Variants in CRTC3 observed in about 807,000 individuals in gnomAD.
The protein encoded by CRTC3 is CREB-regulated transcription coactivator 3.
A neutral mutation model predicts 74.5 loss-of-function variants in CRTC3; 26 were observed. The observed-to-expected ratio is 0.35, with a 90% confidence interval of 0.26 to 0.48. The LOEUF is 0.48. Among genes scored for constraint, CRTC3 ranks in the 20% least tolerant of loss-of-function variants. CRTC3 has a pLI of 0.99. For synonymous variants in CRTC3, 377 were observed against 325.8 expected, an observed-to-expected ratio of 1.16 and a Z score of -1.69; for missense variants, 760 against 787.3, an observed-to-expected ratio of 0.97 and a Z score of 0.41.
chr15:90,559,552 T>C (rs1460214577), intron 2 of CRTC3, among the ~76,000 whole-genome samples: 1 of 152,236 alleles, frequency 6.6e-6, no homozygotes. Flanking sequence ...GATGAGATCA[T>C]GGGTGCATTA....
intron 3 of CRTC3, among the ~76,000 whole-genome samples, chr15:90,602,042 G>A (rs910563981): frequency 6.6e-6 from 1 of 152,196 alleles, no homozygotes; most frequent in Non-Finnish European, 1.5e-5. Context: ...AGTGTTACCA[G>A]GTTTGGAGCA....
chr15:90,545,583 T>G (rs1354571933), intron 2 of CRTC3, among the ~76,000 whole-genome samples: 1 of 151,080 alleles, frequency 6.6e-6, no homozygotes, highest in Non-Finnish European at 1.5e-5. Flanking sequence ...TTTGTTTTTT[T>G]TTTTTACTTT....
chr15:90,539,446 C>A (rs550463455), intron 1 of CRTC3, among the ~76,000 whole-genome samples: 1 of 151,954 alleles, frequency 6.6e-6, no homozygotes, highest in Admixed American at 6.6e-5. Context: ...GAAAGCATTT[C>A]GGCAGTATAC....
intron 2 of CRTC3, among the ~76,000 whole-genome samples, chr15:90,540,599 C>G (rs1035755746): frequency 6.6e-6 from 1 of 151,830 alleles, no homozygotes; most frequent in Non-Finnish European, 1.5e-5. Context: ...ATGGTGAAAC[C>G]CCATCTCTAC....
chr15:90,593,665 G>C lies in CRTC3; in HGVS notation c.261G>C (p.Arg87=). The part of the protein sequence containing the change: ...QPSFHQADNV[R]GTRHHGLVER... ...CATTTCACCAAGCTGATAATGTTCG[G>C]GGAACCCGCCATCACGGGCTGGTGG... Residue 87 remains arginine, a synonymous_variant, in exon 3 of 15, where the codon CGG becomes CGC. Transcript: ENST00000268184. The C allele has an allele frequency of 6.2e-7, 1 of 1,610,296 alleles. No individual in the cohort carries two copies. Among genetic ancestry groups the C allele is most frequent in the Middle Eastern group, 1.7e-4 (1 of 6,052 alleles).
chr15:90,538,975 A>G (rs1240841502), intron 1 of CRTC3, among the ~76,000 whole-genome samples: 1 of 152,118 alleles, frequency 6.6e-6, no homozygotes, highest in Non-Finnish European at 1.5e-5. Context: ...TCTCATTTGC[A>G]TGGTTGTGGG....
At chr15:90,639,677 G>T (rs28521639) in intron 13 of CRTC3, among the ~76,000 whole-genome samples, 37,629 of 149,598 alleles carry the variant, frequency 0.25, 5,548 homozygotes, top group African/African-American at 0.42. Flanking sequence ...CTTGAACTCC[G>T]GACCTCAAGT....
At chr15:90,545,568 T>A (rs924706912) in intron 2 of CRTC3, among the ~76,000 whole-genome samples, 14 of 149,992 alleles carry the variant, frequency 9.3e-5, no homozygotes, top group Non-Finnish European at 1.9e-4. Flanking sequence ...CCTGGCTAAT[T>A]TTTGTTTGTT....
chr15:90,576,858 G>A (rs1967416780), intron 2 of CRTC3, among the ~76,000 whole-genome samples: 1 of 19,580 alleles, frequency 5.1e-5, no homozygotes, highest in African/African-American at 1.2e-4. Context: ...GTCTGTGGGA[G>A]TTGAGGAAGT....
chr15:90,608,042 C>T (rs1244665669), intron 6 of CRTC3, among the ~76,000 whole-genome samples: 2 of 151,994 alleles, frequency 1.3e-5, no homozygotes, highest in South Asian at 4.1e-4. Flanking sequence ...TCAGGCAAGC[C>T]TCGGGGAGGG....
rs960150874 is a variant in CRTC3, at chr15:90,551,929, C to A, written c.231+11792C>A. Among the ~76,000 whole-genome samples, 49 of 6,462 alleles carry A rather than the reference C, an allele frequency of 7.6e-3. 2 individuals carry two copies. The highest frequency in any genetic ancestry group is 0.019 in the Non-Finnish European group (49 of 2,618). 4.2% of individuals were successfully genotyped at this position (6,462 alleles called of 152,430 possible). On this transcript the variant is annotated intron_variant, in intron 2 of 14. Transcript: ENST00000268184. ...CTTACATTACATTACATTACACACA[C>A]GCACACACACACACGCACACACACA...
rs139118057 is a variant in CRTC3, at chr15:90,530,232, GCGGCCA to G, written c.132+35_132+40del. ...AGGGCCCGGGCCGGCGCGGGCGGGG[GCGGCCA>G]CGGCCGCGGGCGGGACCCGCGCGGC... On this transcript the variant is annotated intron_variant, in intron 1 of 14. Coordinates refer to ENST00000268184, the MANE Select transcript of CRTC3 (RefSeq NM_022769.5). This position sits in a 1 kb window ranked among gnomAD's most constrained non-coding sequence, Gnocchi z 6.2. 231,225 of 1,079,524 alleles carry G rather than the reference GCGGCCA, an allele frequency of 0.21. 25,759 individuals carry two copies. The highest frequency in any genetic ancestry group is 0.45 in the East Asian group (7,474 of 16,590). 66.9% of individuals were successfully genotyped at this position (1,079,524 alleles called of 1,614,324 possible). A position where few individuals can be genotyped will look rare whatever the true frequency, so the allele number is the denominator to read the frequency against.
chr15:90,557,294 G>C (rs1395856634), intron 2 of CRTC3, among the ~76,000 whole-genome samples: 1 of 152,134 alleles, frequency 6.6e-6, no homozygotes, highest in African/African-American at 2.4e-5. Context: ...CAGTCTAGGA[G>C]CAGCTTCTCT....
chr15:90,638,606 C>T lies in CRTC3; in HGVS notation c.1427C>T (p.Ser476Phe), dbSNP rs534287635. ...CCTGCCCAGCAGCCCCAGGCAGCCT[C>T]CTCACTGCCACAGTCAGACTTTCAG... The part of the protein sequence containing the change: ...EAPAQQPQAA[S>F]SLPQSDFQLL... Residue 476 changes from serine (S) to phenylalanine (F), a missense_variant, in exon 12 of 15, where the codon TCC becomes TTC. Coordinates refer to ENST00000268184, the MANE Select transcript of CRTC3 (RefSeq NM_022769.5). The T allele has an allele frequency of 1.4e-5, 23 of 1,613,294 alleles. No individual in the cohort carries two copies. The highest frequency in any genetic ancestry group is 1.3e-4 in the South Asian group (12 of 91,078).
At chr15:90,612,011 C>T (rs1200352109) in intron 6 of CRTC3, among the ~76,000 whole-genome samples, 1 of 149,940 alleles carries the variant, frequency 6.7e-6, no homozygotes, top group Non-Finnish European at 1.5e-5. Flanking sequence ...TCTTATCCTT[C>T]CCCAACCACC....
chr15:90,545,432 C>T (rs924670688), intron 2 of CRTC3, among the ~76,000 whole-genome samples: 4 of 147,764 alleles, frequency 2.7e-5, no homozygotes, highest in Non-Finnish European at 5.9e-5. Flanking sequence ...CTGAATCTCG[C>T]TCTGTCGCCC....
chr15:90,546,353 C>T (rs1408745400), intron 2 of CRTC3, among the ~76,000 whole-genome samples: 3 of 152,132 alleles, frequency 2.0e-5, no homozygotes, highest in African/African-American at 7.2e-5. Flanking sequence ...TGACCATATA[C>T]ATGTGGGTCT....
At chr15:90,605,525 A>G (rs531679405) in intron 5 of CRTC3, among the ~76,000 whole-genome samples, 1 of 152,340 alleles carries the variant, frequency 6.6e-6, no homozygotes, top group South Asian at 2.1e-4. Context: ...TAACTCCTTA[A>G]TATAATTCAA....
chr15:90,607,391 T>C lies in CRTC3; in HGVS notation c.490T>C (p.Ser164Pro), dbSNP rs1486482424. Reference protein sequence around the residue: ...TSALNRTNSDSALHTSALSTK... With the variant: ...TSALNRTNSDPALHTSALSTK... ...TCCCCTCCTTAGGACCAATTCTGAT[T>C]CTGCTCTTCACACGAGTGCTCTGAG... The change falls in exon 6 of 15, where the codon TCT becomes CCT. Residue 164 changes from serine to proline, a missense_variant. This residue lies in a region of CRTC3 where 652 missense variants were observed against 635.2 expected (regional missense o/e 1.03). Transcript: ENST00000268184. The C allele has an allele frequency of 1.2e-6, 2 of 1,611,556 alleles. No homozygotes were observed. Among genetic ancestry groups the C allele is most frequent in the East Asian group, 2.2e-5 (1 of 44,754 alleles).
Sources: gnomAD v4.1 joint callset for allele counts (sites outside exome capture counted in the v4.1 genomes callset) on GRCh38, gnomAD v4.1.1 for gene constraint, gnomAD v4.1.1 regional missense constraint, Gnocchi (gnomAD v3.1) non-coding constraint, MANE v1.5 for transcripts, NCBI Gene and HGNC (gene_info 2026-07-23, HGNC 2026-07-21) for gene names.